Variants in CTNNA2 observed in about 807,000 individuals in gnomAD.
CTNNA2 encodes catenin alpha-2.
A neutral mutation model predicts 101.0 loss-of-function variants in CTNNA2; 42 were observed. The ratio of observed to expected loss-of-function variants is 0.42; its 90% CI spans 0.32 to 0.54. The LOEUF (loss-of-function observed/expected upper bound fraction) is 0.54, where lower values mean the gene tolerates loss of function less well. Among genes scored for constraint, CTNNA2 ranks in the 20% least tolerant of loss-of-function variants. The pLI, the probability that CTNNA2 is intolerant of heterozygous loss-of-function variation, is 0.14. For synonymous variants in CTNNA2, 450 were observed against 456.4 expected, an observed-to-expected ratio of 0.99 and a Z score of 0.18; for missense variants, 871 against 1,223.1, an observed-to-expected ratio of 0.71 and a Z score of 4.29.
intron 9 of CTNNA2, among the ~76,000 whole-genome samples, chr2:80,459,669 C>A (rs1464115250): frequency 6.6e-6 from 1 of 152,088 alleles, no homozygotes; most frequent in Admixed American, 6.5e-5. Context: ...CCCAGGACAC[C>A]CCACACAGAC....
At chr2:79,251,604 G>A (rs1349080612) in intron 2 of CTNNA2, among the ~76,000 whole-genome samples, 1 of 152,148 alleles carries the variant, frequency 6.6e-6, no homozygotes, top group African/African-American at 2.4e-5. Flanking sequence ...CACTCTCGGG[G>A]AAGCCAGCCG....
intron 7 of CTNNA2, among the ~76,000 whole-genome samples, chr2:80,237,916 G>A (rs1709630272): frequency 6.6e-6 from 1 of 151,996 alleles, no homozygotes; most frequent in African/African-American, 2.4e-5. Context: ...GCTCATTCTG[G>A]ATACCCAGTT....
At chr2:79,959,364 GA>G (rs954039161) in intron 7 of CTNNA2, among the ~76,000 whole-genome samples, 26 of 152,122 alleles carry the variant, frequency 1.7e-4, no homozygotes, top group Admixed American at 1.0e-3. Context: ...GAACACAGTT[GA>G]AAAAACTTTC....
intron 9 of CTNNA2, among the ~76,000 whole-genome samples, chr2:80,495,040 T>C (rs1221017467): frequency 6.6e-6 from 1 of 152,168 alleles, no homozygotes; most frequent in Non-Finnish European, 1.5e-5. Flanking sequence ...CTACGTGATG[T>C]TTGGCACCAG....
In CTNNA2 at chr2:80,194,782, TTGA is replaced by T. The variant is rs1706731622; in HGVS notation, c.1057-198425_1057-198423del. Among the ~76,000 whole-genome samples, 3 of 150,474 alleles carry T rather than the reference TTGA, an allele frequency of 2.0e-5. No individual in the cohort carries two copies. The South Asian group carries it at 6.2e-4, about 31-fold the overall frequency. ...CTATTAATATATTATATATTTGCAA[TTGA>T]TGAATCATGCTATATACATCTGTGT... On this transcript the variant is annotated intron_variant, in intron 7 of 18. Coordinates refer to ENST00000402739, the MANE Select transcript of CTNNA2 (RefSeq NM_001282597.3).
At position 80,211,180 on chromosome 2, in the gene CTNNA2, A is replaced by C. The variant is rs560912747; in HGVS notation, c.1057-182031A>C. ...ATTGTGTAGGTTGCCTGTTCACTCT[A>C]ATGATAGTTTCTTTTGCTGTGCAGA... On this transcript the variant is annotated intron_variant, in intron 7 of 18. Coordinates refer to ENST00000402739, the MANE Select transcript of CTNNA2 (RefSeq NM_001282597.3). Among the ~76,000 whole-genome samples, 3 of 152,118 alleles carry C rather than the reference A, an allele frequency of 2.0e-5. No homozygotes were observed. In the East Asian group the frequency reaches 5.8e-4, roughly 29 times the overall value.
At chr2:79,722,329 T>C (rs1229772921) in intron 2 of CTNNA2, among the ~76,000 whole-genome samples, 1 of 152,190 alleles carries the variant, frequency 6.6e-6, no homozygotes, top group Non-Finnish European at 1.5e-5. Context: ...TTAATTGTAT[T>C]GTCTGATGTG....
intron 15 of CTNNA2, among the ~76,000 whole-genome samples, chr2:80,598,192 AAACT>A (rs1450669766): frequency 6.6e-6 from 1 of 152,168 alleles, no homozygotes. Flanking sequence ...CATTCTCAGC[AAACT>A]AACAAAGGAA....
intron 1 of CTNNA2, among the ~76,000 whole-genome samples, chr2:79,186,438 C>T (rs914529483): frequency 6.6e-6 from 1 of 152,178 alleles, no homozygotes; most frequent in African/African-American, 2.4e-5. Flanking sequence ...TCTGCTGTAT[C>T]CTGAACTAAA....
At chr2:79,682,856 T>C (rs555484514) in intron 2 of CTNNA2, among the ~76,000 whole-genome samples, 1 of 152,326 alleles carries the variant, frequency 6.6e-6, no homozygotes, top group African/African-American at 2.4e-5. Context: ...TTATATTAAA[T>C]AAAAAACCAA....
chr2:79,808,413 C>G lies in CTNNA2; in HGVS notation c.299-49600C>G, dbSNP rs116991886. On this transcript the variant is annotated intron_variant, in intron 3 of 18. Coordinates refer to ENST00000402739, the MANE Select transcript of CTNNA2 (RefSeq NM_001282597.3). The stretch of plus-strand genomic sequence containing the variant: ...TTCATTAAGCAAAAATGGTTGGGCT[C>G]TACTCATTAACTGAAGTTGCTTGGG... Among the ~76,000 whole-genome samples the G allele has an allele frequency of 5.3e-5, 8 of 152,242 alleles. No individual in the cohort carries two copies. The East Asian group carries it at 9.7e-4, about 18-fold the overall frequency.
intron 7 of CTNNA2, among the ~76,000 whole-genome samples, chr2:80,186,230 C>G (rs567245434): frequency 6.6e-6 from 1 of 152,364 alleles, no homozygotes; most frequent in East Asian, 1.9e-4. Context: ...CCTAGAGACA[C>G]ATTGCCTTAT....
intron 7 of CTNNA2, among the ~76,000 whole-genome samples, chr2:80,071,738 G>C (rs1002959018): frequency 6.6e-6 from 1 of 152,166 alleles, no homozygotes; most frequent in East Asian, 1.9e-4. Flanking sequence ...GCTGTTCAAC[G>C]TTGTACAGAG....
chr2:79,369,356 C>T (rs1166907013), intron 3 of CTNNA2, among the ~76,000 whole-genome samples: 6 of 152,178 alleles, frequency 3.9e-5, no homozygotes, highest in Non-Finnish European at 1.5e-5. Context: ...CCCCGCAGCC[C>T]CCGAGCACTG....
chr2:80,116,205 A>G (rs1038159645), intron 7 of CTNNA2, among the ~76,000 whole-genome samples: 1 of 152,080 alleles, frequency 6.6e-6, no homozygotes, highest in African/African-American at 2.4e-5. Flanking sequence ...CTGTGTTCCA[A>G]TAAAACTTAA....
At chr2:79,188,644 T>A (rs1244926723) in intron 1 of CTNNA2, among the ~76,000 whole-genome samples, 1 of 152,124 alleles carries the variant, frequency 6.6e-6, no homozygotes, top group African/African-American at 2.4e-5. Flanking sequence ...GCAATAGAAC[T>A]TGAGTTGGAT....
intron 7 of CTNNA2, among the ~76,000 whole-genome samples, chr2:80,209,226 G>A (rs566948431): frequency 6.2e-4 from 92 of 149,016 alleles, no homozygotes; most frequent in African/African-American, 2.0e-3. Context: ...TTCTGAGAAG[G>A]AGTCTTGCTC....
At chr2:80,156,307 GA>G (rs1703995133) in intron 7 of CTNNA2, among the ~76,000 whole-genome samples, 1 of 152,156 alleles carries the variant, frequency 6.6e-6, no homozygotes, top group African/African-American at 2.4e-5. Flanking sequence ...CCTCACGTTA[GA>G]AATATGATCG....
chr2:79,328,933 G>A (rs1676808554), intron 3 of CTNNA2, among the ~76,000 whole-genome samples: 1 of 152,126 alleles, frequency 6.6e-6, no homozygotes, highest in Non-Finnish European at 1.5e-5. Flanking sequence ...CTTGGCTTGT[G>A]ACAACATAAT....
Sources: gnomAD v4.1 joint callset for allele counts (sites outside exome capture counted in the v4.1 genomes callset) on GRCh38, gnomAD v4.1.1 for gene constraint, MANE v1.5 for transcripts, NCBI Gene and HGNC (gene_info 2026-07-23, HGNC 2026-07-21) for gene names.